ROR1: variants seen among roughly 807,000 people sequenced by gnomAD.
The protein encoded by ROR1 is inactive tyrosine-protein kinase transmembrane receptor ROR1.
In ROR1, 19 loss-of-function variants were observed where a neutral mutation model predicts 78.8. The ratio of observed to expected loss-of-function variants is 0.24; its 90% CI spans 0.17 to 0.35. ROR1 has a LOEUF of 0.35. Among genes scored for constraint, ROR1 ranks in the 10% least tolerant of loss-of-function variants. ROR1 has a pLI of 1.00. For missense variants in ROR1, 917 were observed against 1,177.8 expected, an observed-to-expected ratio of 0.78 and a Z score of 3.24; for synonymous variants, 386 against 433.6, an observed-to-expected ratio of 0.89 and a Z score of 1.36.
At chr1:63,786,618 T>C (rs908994637) in intron 1 of ROR1, among the ~76,000 whole-genome samples, 8 of 145,094 alleles carry the variant, frequency 5.5e-5, no homozygotes, top group Admixed American at 2.1e-4. Flanking sequence ...GATTTGATGG[T>C]TGTGTTGGGG....
intron 1 of ROR1, among the ~76,000 whole-genome samples, chr1:63,837,683 C>T (rs903996696): frequency 5.9e-5 from 9 of 152,114 alleles, no homozygotes; most frequent in African/African-American, 1.7e-4. Context: ...TAGCTGGACA[C>T]GGTGGCGTGT....
rs887563572 is a variant in ROR1, at chr1:64,048,321, C to A, written c.164-1370C>A. The stretch of plus-strand genomic sequence containing the variant: ...CCCTGTGTGACTAGTGGCTATCAAT[C>A]AGACAGTGCAGATTATAGAACATTT... On this transcript the variant is annotated intron_variant, in intron 2 of 8. Coordinates refer to ENST00000371079, the MANE Select transcript of ROR1 (RefSeq NM_005012.4). Among the ~76,000 whole-genome samples the A allele has an allele frequency of 3.3e-5, 5 of 152,326 alleles. No homozygotes were observed. In the East Asian group the frequency reaches 9.7e-4, roughly 29 times the overall value.
chr1:63,974,494 G>A (rs930620831), intron 1 of ROR1, among the ~76,000 whole-genome samples: 5 of 152,174 alleles, frequency 3.3e-5, no homozygotes, highest in Non-Finnish European at 1.5e-5. Context: ...GCAGGCTGGA[G>A]TGCAGTGGCG....
At chr1:63,787,600 C>T (rs1026565680) in intron 1 of ROR1, among the ~76,000 whole-genome samples, 1 of 151,352 alleles carries the variant, frequency 6.6e-6, no homozygotes, top group East Asian at 1.9e-4. Flanking sequence ...GATCTCAGCT[C>T]ACTACAACCT....
At chr1:63,776,472 G>C (rs1374980863) in intron 1 of ROR1, among the ~76,000 whole-genome samples, 1 of 152,204 alleles carries the variant, frequency 6.6e-6, no homozygotes, top group Non-Finnish European at 1.5e-5. Context: ...AGAGGGTCAT[G>C]ATGGGTACAT....
intron 8 of ROR1, among the ~76,000 whole-genome samples, chr1:64,173,158 C>T: frequency 6.6e-6 from 1 of 152,138 alleles, no homozygotes; most frequent in East Asian, 1.9e-4. Flanking sequence ...CTGGGCACTT[C>T]TTTGCTGGCA....
chr1:63,954,835 A>G (rs957549973), intron 1 of ROR1, among the ~76,000 whole-genome samples: 2 of 152,162 alleles, frequency 1.3e-5, no homozygotes, highest in Admixed American at 6.5e-5. Flanking sequence ...GGATTTTGGT[A>G]TCTGTTGGGG....
intron 1 of ROR1, among the ~76,000 whole-genome samples, chr1:63,781,049 C>T (rs370628959): frequency 4.4e-4 from 67 of 152,122 alleles, no homozygotes; most frequent in African/African-American, 1.4e-3. Context: ...AGTAATGAAG[C>T]GTGTGGGAAG....
intron 1 of ROR1, among the ~76,000 whole-genome samples, chr1:63,960,422 G>A (rs1268231552): frequency 1.3e-5 from 2 of 152,224 alleles, no homozygotes; most frequent in Non-Finnish European, 2.9e-5. Flanking sequence ...AGTTTGTGCA[G>A]CTGAAGGGAC....
At chr1:63,897,992 G>A (rs896388159) in intron 1 of ROR1, among the ~76,000 whole-genome samples, 5 of 152,182 alleles carry the variant, frequency 3.3e-5, no homozygotes, top group Non-Finnish European at 5.9e-5. Context: ...GAGGGAAGGC[G>A]TGGAGGGTTC....
intron 4 of ROR1, among the ~76,000 whole-genome samples, chr1:64,081,971 A>C (rs951292401): frequency 1.3e-5 from 2 of 152,190 alleles, no homozygotes; most frequent in Non-Finnish European, 2.9e-5. Context: ...GCTGAGGTAT[A>C]CAATAATTCT....
chr1:63,861,760 A>G (rs952052303), intron 1 of ROR1, among the ~76,000 whole-genome samples: 2 of 152,186 alleles, frequency 1.3e-5, no homozygotes, highest in African/African-American at 2.4e-5. Flanking sequence ...GGGAAACTAC[A>G]ATATCAGGAT....
At chr1:64,058,909 T>G (rs1276392477) in intron 4 of ROR1, among the ~76,000 whole-genome samples, 4 of 152,158 alleles carry the variant, frequency 2.6e-5, no homozygotes, top group Admixed American at 2.6e-4. Flanking sequence ...TAAAGGATTT[T>G]TATTTAAATG....
chr1:64,033,259 T>C (rs946134444), intron 2 of ROR1, among the ~76,000 whole-genome samples: 2 of 152,230 alleles, frequency 1.3e-5, no homozygotes, highest in Admixed American at 6.5e-5. Context: ...ATTTATGCTA[T>C]TTTTAATTCA....
At chr1:63,999,210 TC>T (rs1201057822) in intron 1 of ROR1, among the ~76,000 whole-genome samples, 5 of 152,210 alleles carry the variant, frequency 3.3e-5, no homozygotes, top group Non-Finnish European at 5.9e-5. Context: ...CCTTTGAGTA[TC>T]CAAGTTTGCA....
At chr1:63,919,326 A>G (rs955278348) in intron 1 of ROR1, among the ~76,000 whole-genome samples, 3 of 152,182 alleles carry the variant, frequency 2.0e-5, no homozygotes, top group Non-Finnish European at 4.4e-5. Flanking sequence ...TCAGCTGTAA[A>G]ATTTAATGGC....
At chr1:63,991,493 T>G (rs749675612) in intron 1 of ROR1, among the ~76,000 whole-genome samples, 4 of 152,180 alleles carry the variant, frequency 2.6e-5, no homozygotes, top group Non-Finnish European at 4.4e-5. Context: ...CATATATGCA[T>G]TTGGAATGAT....
intron 1 of ROR1, among the ~76,000 whole-genome samples, chr1:63,860,957 T>C (rs1645178299): frequency 6.6e-6 from 1 of 152,144 alleles, no homozygotes; most frequent in Admixed American, 6.5e-5. Flanking sequence ...CTTTAAAGTT[T>C]AGAAACAAAT....
chr1:64,015,780 TG>T (rs1646516170), intron 2 of ROR1, among the ~76,000 whole-genome samples: 3 of 152,264 alleles, frequency 2.0e-5, no homozygotes, highest in Middle Eastern at 3.4e-3. Flanking sequence ...AACTGGTAGC[TG>T]GTTGGGGTCG....
Sources: allele counts gnomAD v4.1 joint callset (sites outside exome capture counted in the v4.1 genomes callset), GRCh38; gene constraint gnomAD v4.1.1; transcripts MANE v1.5; gene names NCBI Gene and HGNC (gene_info 2026-07-23, HGNC 2026-07-21).